The following CAGE1 variants were observed in gnomAD, a reference collection of about 807,000 sequenced individuals.
CAGE1 encodes cancer-associated gene 1 protein.
CAGE1 carries 66 observed loss-of-function variants against 94.9 expected under a neutral mutation model. The observed-to-expected ratio is 0.70, with a 90% CI of 0.57 to 0.85. The LOEUF is 0.85. Ranked by LOEUF, CAGE1 falls within the 40% of genes least tolerant of loss-of-function variation. The probability of loss-of-function intolerance (pLI) is 0.00; values close to 1 mark genes in which losing one functional copy is unlikely to be tolerated. For missense variants in CAGE1, 865 were observed against 950.4 expected, an observed-to-expected ratio of 0.91 and a Z score of 1.18; for synonymous variants, 319 against 321.0, an observed-to-expected ratio of 0.99 and a Z score of 0.07.
rs553600613 is a variant in CAGE1, at chr6:7,370,413, T to C, written c.1747-348A>G. ...GGCTCACACAATCCTCCCACCTCAG[T>C]CTCCCCAGTAGCTGAAACCACAGGT... On this transcript the variant is annotated intron_variant, in intron 5 of 13. Transcript: ENST00000502583. 1.8e-4 allele frequency among the ~76,000 whole-genome samples: 28 copies of C among 152,048 alleles called. No individual in the cohort carries two copies. In the South Asian group the frequency reaches 5.6e-3, roughly 31 times the overall value.
intron 11 of CAGE1, among the ~76,000 whole-genome samples, chr6:7,345,750 CGTCTCT>C (rs1486251154): frequency 1.3e-5 from 2 of 151,696 alleles, no homozygotes; most frequent in Non-Finnish European, 2.9e-5. Context: ...ACTAAAACCC[CGTCTCT>C]ACTAAAAATA....
In CAGE1 at chr6:7,368,757, C is replaced by G; in HGVS notation, c.1935G>C (p.Glu645Asp). ...TTTGCAGCATTATATCACTAACCTTCTCACTCTCTTTGAAATGTTCAGCAT... is the reference window on the plus strand; with the variant it reads ...TTTGCAGCATTATATCACTAACCTTGTCACTCTCTTTGAAATGTTCAGCAT... ...NSDAEHFKES[E>D]KVSDIMLQKL... is the part of the protein sequence containing the mutation. The change falls in exon 7 of 14, where the codon GAG (glutamate) becomes GAC (aspartate). Residue 645 changes from glutamate (E) to aspartate (D), a missense_variant. Coordinates refer to ENST00000502583, the MANE Select transcript of CAGE1 (RefSeq NM_001170692.2). 6.4e-7 allele frequency: 1 copy of G among 1,560,218 alleles called. No homozygotes were observed. The highest frequency in any genetic ancestry group is 1.2e-5 in the South Asian group (1 of 82,608).
At position 7,373,442 on chromosome 6, in the gene CAGE1, T is replaced by G. The variant is rs973489879; in HGVS notation, c.1377A>C (p.Lys459Asn). Residue 459 changes from lysine (K) to asparagine (N), a missense_variant, in exon 5 of 14, where the codon AAA (lysine) becomes AAC (asparagine). Physicochemically the swap from Lys to Asn is moderately conservative, Grantham distance 94. Transcript: ENST00000502583. ...EEEVERLQQL[K>N]KELEKATASA... ...AAGCTGTGGCCTTTTCCAGTTCTTT[T>G]TTGAGTTGTTGTAGTCTCTCTACCT... The G allele has an allele frequency of 1.2e-6, 2 of 1,613,886 alleles. No homozygotes were observed. The highest frequency in any genetic ancestry group is 1.3e-5 in the African/African-American group (1 of 75,040).
At chr6:7,387,379 T>C (rs927014711) in intron 1 of CAGE1, among the ~76,000 whole-genome samples, 183 bp from the exon 2 acceptor site, 1 of 152,168 alleles carries the variant, frequency 6.6e-6, no homozygotes, top group African/African-American at 2.4e-5. Flanking sequence ...AAATACTGAT[T>C]TGGAGAAAAA....
chr6:7,379,346 T>C (rs1760858727), intron 3 of CAGE1, among the ~76,000 whole-genome samples: 1 of 152,216 alleles, frequency 6.6e-6, no homozygotes, highest in Non-Finnish European at 1.5e-5. Context: ...AATTATACAA[T>C]GTTTCAAAAG....
At chr6:7,327,827 G>A (rs948979876) in intron 13 of CAGE1, among the ~76,000 whole-genome samples, 1 of 152,138 alleles carries the variant, frequency 6.6e-6, no homozygotes, top group African/African-American at 2.4e-5. Flanking sequence ...CTACTCGGGA[G>A]GCTGAGGCAG....
chr6:7,385,674 A>G, intron 3 of CAGE1, 111 bp downstream of exon 3: 1 of 486,850 alleles, frequency 2.1e-6, no homozygotes, highest in Non-Finnish European at 3.6e-6. Context: ...TTGTGGATTA[A>G]GTGTGATGAT....
chr6:7,345,585 A>G (rs149054624), intron 11 of CAGE1, among the ~76,000 whole-genome samples: 3 of 152,268 alleles, frequency 2.0e-5, no homozygotes, highest in African/African-American at 7.2e-5. Context: ...CAATGTCACT[A>G]ATAGCTTTCA....
chr6:7,345,135 CTTTTAGGAGCTAGGTCCATAT>C (rs1561851672), intron 11 of CAGE1, among the ~76,000 whole-genome samples: 1 of 41,952 alleles, frequency 2.4e-5, no homozygotes, highest in Non-Finnish European at 4.4e-5. Flanking sequence ...ATCCATATTG[CTTTTAGGAGCTAGGTCCATAT>C]TGCTTTTAGG....
At position 7,389,713 on chromosome 6, in the gene CAGE1, C is replaced by G. The variant is rs1030921466; in HGVS notation, c.-535G>C. ...TCCTGAGAGCACAGAACATCCACAGCCCTATACAGCGCGCCATCCAGAGAG... is the reference window on the plus strand; with the variant it reads ...TCCTGAGAGCACAGAACATCCACAGGCCTATACAGCGCGCCATCCAGAGAG... On this transcript the variant is annotated 5_prime_UTR_variant, in exon 1 of 14. Coordinates refer to ENST00000502583, the MANE Select transcript of CAGE1 (RefSeq NM_001170692.2). 1 of 539,252 alleles carries G rather than the reference C, an allele frequency of 1.9e-6. No individual in the cohort carries two copies. Among genetic ancestry groups the G allele is most frequent in the Non-Finnish European group, 3.3e-6 (1 of 298,850 alleles). 33.4% of individuals were successfully genotyped at this position (539,252 alleles called of 1,614,324 possible).
chr6:7,355,062 A>G lies in CAGE1; in HGVS notation c.2348T>C (p.Ile783Thr). ...TTACTGTGCAATCTGGGAGTGGGATATTGCAAGCCTTTGGTCAGCACATTC... is the reference window on the plus strand; with the variant it reads ...TTACTGTGCAATCTGGGAGTGGGATGTTGCAAGCCTTTGGTCAGCACATTC... ...IIECADQRLA[I>T]SHSQIAHLEE... Residue 783 changes from isoleucine to threonine, a missense_variant, in exon 11 of 14, where the codon ATA becomes ACA. By Grantham distance (89) the Ile-to-Thr change is moderately conservative. Coordinates refer to ENST00000502583, the MANE Select transcript of CAGE1 (RefSeq NM_001170692.2). 6.2e-7 allele frequency: 1 copy of G among 1,609,714 alleles called. No homozygotes were observed. The highest frequency in any genetic ancestry group is 1.1e-5 in the South Asian group (1 of 89,922).
chr6:7,343,494 T>C (rs1291773031), intron 11 of CAGE1, among the ~76,000 whole-genome samples: 1 of 152,230 alleles, frequency 6.6e-6, no homozygotes, highest in East Asian at 1.9e-4. Context: ...TCTGTTATTT[T>C]TGATATGGTT....
chr6:7,354,836 G>A (rs1759896024), intron 11 of CAGE1, among the ~76,000 whole-genome samples: 1 of 152,106 alleles, frequency 6.6e-6, no homozygotes, highest in Non-Finnish European at 1.5e-5. Flanking sequence ...GGAGCTCTGA[G>A]AAAGGAAGAT....
chr6:7,382,221 C>A (rs1760959807), intron 3 of CAGE1, among the ~76,000 whole-genome samples: 1 of 152,122 alleles, frequency 6.6e-6, no homozygotes, highest in Admixed American at 6.5e-5. Context: ...CATGTATCTT[C>A]ACTCCATGCT....
chr6:7,387,240 T>G, intron 1 of CAGE1, 44 bp from the exon 2 acceptor site: 2 of 1,118,108 alleles, frequency 1.8e-6, no homozygotes, highest in Non-Finnish European at 2.6e-6. Context: ...AAACAAAAAG[T>G]TTTTTCCCTA....
chr6:7,373,703 G>C lies in CAGE1; in HGVS notation c.1116C>G (p.Ile372Met). ...TCTTTTTAGTATCATTCTTCTCTAGGATTATTTTGTATTTGTCTTCAATTA... is the reference window on the plus strand; with the variant it reads ...TCTTTTTAGTATCATTCTTCTCTAGCATTATTTTGTATTTGTCTTCAATTA... ...EELIEDKYKI[I>M]LEKNDTKKTL... The change falls in exon 5 of 14, where the codon ATC becomes ATG. Residue 372 changes from isoleucine (I) to methionine (M), a missense_variant. Coordinates refer to ENST00000502583, the MANE Select transcript of CAGE1 (RefSeq NM_001170692.2). 2 of 1,612,486 alleles carry C rather than the reference G, an allele frequency of 1.2e-6. No homozygotes were observed. The highest frequency in any genetic ancestry group is 2.2e-5 in the South Asian group (2 of 90,970).
intron 13 of CAGE1, among the ~76,000 whole-genome samples, chr6:7,329,638 T>A (rs1050694611): frequency 6.6e-6 from 1 of 152,036 alleles, no homozygotes; most frequent in Non-Finnish European, 1.5e-5. Context: ...GTGGGGATGG[T>A]GTGAAGGAGC....
intron 11 of CAGE1, chr6:7,341,407 C>T: frequency 1.1e-6 from 1 of 881,296 alleles, no homozygotes; most frequent in Non-Finnish European, 1.9e-6. Flanking sequence ...GTGATGGATT[C>T]ATCAAAAACA....
intron 11 of CAGE1, chr6:7,338,785 G>A: frequency 1.3e-6 from 1 of 767,330 alleles, no homozygotes; most frequent in East Asian, 2.6e-5. Flanking sequence ...ATTTTATAAA[G>A]GTCTTTACAG....
Sources: gnomAD v4.1 joint callset for allele counts (sites outside exome capture counted in the v4.1 genomes callset) on GRCh38, gnomAD v4.1.1 for gene constraint, MANE v1.5 for transcripts, NCBI Gene and HGNC (gene_info 2026-07-23, HGNC 2026-07-21) for gene names.